The following ATN1 variants were observed in gnomAD, a reference collection of about 807,000 sequenced individuals.
ATN1 encodes atrophin 1, also known as atrophin-1.
Under a neutral mutation model 85.8 loss-of-function variants are expected in ATN1, and 19 were observed. The ratio of observed to expected loss-of-function variants is 0.22; its 90% CI spans 0.15 to 0.32. The LOEUF is 0.32. ATN1 is among the 10% of genes least tolerant of loss of function. ATN1 has a pLI of 1.00. For synonymous variants in ATN1, 674 were observed against 657.0 expected, an observed-to-expected ratio of 1.03 and a Z score of -0.39; for missense variants, 1,453 against 1,564.5, an observed-to-expected ratio of 0.93 and a Z score of 1.20.
In ATN1 at chr12:6,936,092, G is replaced by C; in HGVS notation, c.825G>C (p.Pro275=). Residue 275 remains proline, a synonymous_variant, in exon 5 of 10, where the codon CCG becomes CCC. Transcript: ENST00000396684. ...CTAGTGGTGCTCCCCCAACAAAGCC[G>C]CCTACCACTCCAGTGGGTGGTGGGA... ...SGASGAPPTK[P]PTTPVGGGNL... 1 of 1,525,380 alleles carries C rather than the reference G, an allele frequency of 6.6e-7. No homozygotes were observed. Among genetic ancestry groups the C allele is most frequent in the Non-Finnish European group, 8.8e-7 (1 of 1,137,334 alleles). The allele number at this position is 1,525,380 out of a possible 1,614,324, so 94.5% of individuals were successfully genotyped here. A position where few individuals can be genotyped will look rare whatever the true frequency, so the allele number is the denominator to read the frequency against.
intron 1 of ATN1, among the ~76,000 whole-genome samples, chr12:6,931,822 T>C (rs781928913): frequency 6.7e-6 from 1 of 150,276 alleles, no homozygotes; most frequent in East Asian, 1.9e-4. Flanking sequence ...TCACCTGAGG[T>C]CAGTAGTTCG....
upstream of ATN1, among the ~76,000 whole-genome samples, chr12:6,927,666 T>C (rs1400878626): frequency 1.1e-4 from 14 of 121,844 alleles, no homozygotes; most frequent in Admixed American, 1.2e-3. Context: ...CTCTCCCCCC[T>C]CGCGGCTTGC....
At position 6,935,820 on chromosome 12, in the gene ATN1, C is replaced by G. The variant is rs201262663; in HGVS notation, c.553C>G (p.Pro185Ala). The G allele has an allele frequency of 3.2e-5, 52 of 1,613,764 alleles. No homozygotes were observed. Among genetic ancestry groups the G allele is most frequent in the Admixed American group, 5.0e-5 (3 of 59,986 alleles). The change falls in exon 5 of 10, where the codon CCC becomes GCC. Residue 185 changes from proline (P) to alanine (A), a missense_variant. By Grantham distance (27) the Pro-to-Ala change is conservative. Coordinates refer to ENST00000396684, the MANE Select transcript of ATN1 (RefSeq NM_001940.4). This position sits in a 1 kb window ranked among gnomAD's most constrained non-coding sequence, Gnocchi z 5.3. ...TPRQPEASFE[P>A]HPSVTPTGYH... is the part of the protein sequence containing the mutation. ...TCGACAGCCAGAGGCTAGCTTTGAA[C>G]CCCATCCTTCTGTGACACCCACTGG... is the stretch of plus-strand genomic sequence containing the variant.
In ATN1 at chr12:6,941,710, T is replaced by A. The variant is rs370101271; in HGVS notation, c.3540-37T>A. 68 of 1,611,456 alleles carry A rather than the reference T, an allele frequency of 4.2e-5. No individual in the cohort carries two copies. Among genetic ancestry groups the A allele is most frequent in the Non-Finnish European group, 5.2e-5 (61 of 1,177,816 alleles). ...GGGCAAGGTCAGAGTTGGTCTCAAG[T>A]CTCTTACCTCTCTGCTATGCACTGC... On this transcript the variant is annotated intron_variant, in intron 9 of 9. Transcript: ENST00000396684. This position sits in a 1 kb window ranked among gnomAD's most constrained non-coding sequence, Gnocchi z 5.9.
rs1945597078 is a variant in ATN1 at position 6,938,978 on chromosome 12, G to A, written c.3015G>A (p.Leu1005=). 1 of 1,613,442 alleles carries A rather than the reference G, an allele frequency of 6.2e-7. No homozygotes were observed. The highest frequency in any genetic ancestry group is 8.5e-7 in the Non-Finnish European group (1 of 1,179,988). The change falls in exon 7 of 10, where the codon CTG becomes CTA. Residue 1005 remains leucine (L), a synonymous_variant. Transcript: ENST00000396684. The part of the protein sequence containing the change: ...LGPLERERLA[L]AAGPALRPDM... ...CCCTGGAGCGAGAACGTCTAGCGCT[G>A]GCAGCTGGGCCAGCCCTGCGGCCTG...
intron 7 of ATN1, 140 bp downstream of exon 7, chr12:6,939,317 C>T (rs1945601730): frequency 7.9e-7 from 1 of 1,273,814 alleles, no homozygotes; most frequent in East Asian, 2.5e-5. Context: ...CTGAACTTTG[C>T]CTCCCTGACG....
intron 7 of ATN1, 78 bp from the exon 8 acceptor site, chr12:6,940,802 C>T (rs1334614577): frequency 7.7e-6 from 12 of 1,563,896 alleles, no homozygotes; most frequent in Non-Finnish European, 1.1e-5. Context: ...AGTTCCCAGG[C>T]TTGGATCCCT....
Position 6,936,552 on chromosome 12 carries a change from C to A in ATN1, c.1285C>A (p.Gln429Lys). ...CTCCAATCAGCCCCCCAAGTATACT[C>A]AGCCTTCTCTCCCATCCCAGGCTGT... ...SVSNQPPKYT[Q>K]PSLPSQAVWS... Residue 429 changes from glutamine (Q) to lysine (K), a missense_variant, in exon 5 of 10, where the codon CAG (glutamine) becomes AAG (lysine). Transcript: ENST00000396684. 6.2e-7 allele frequency: 1 copy of A among 1,610,478 alleles called. No individual in the cohort carries two copies.
At chr12:6,929,497 C>A (rs1001107126) in intron 1 of ATN1, among the ~76,000 whole-genome samples, 2 of 152,032 alleles carry the variant, frequency 1.3e-5, no homozygotes, top group African/African-American at 4.8e-5. Context: ...TTGAGGGGCA[C>A]CTTTTGCCAC....
At position 6,939,815 on chromosome 12, in the gene ATN1, C is replaced by G. The variant is rs190892298; in HGVS notation, c.3214+638C>G. 2.9e-3 allele frequency among the ~76,000 whole-genome samples: 443 copies of G among 152,194 alleles called. 4 individuals are homozygous for G. The highest frequency in any genetic ancestry group is 9.9e-3 in the African/African-American group (411 of 41,546). ...CACCGTGCCCAACCCACAAACCTAT[C>G]TTCTGATTTCTCTGGATTCAACTCA... On this transcript the variant is annotated intron_variant, in intron 7 of 9. Coordinates refer to ENST00000396684, the MANE Select transcript of ATN1 (RefSeq NM_001940.4).
At chr12:6,928,790 C>T (rs994088960) in intron 1 of ATN1, among the ~76,000 whole-genome samples, 1 of 152,176 alleles carries the variant, frequency 6.6e-6, no homozygotes, top group South Asian at 2.1e-4. Context: ...GAGATGGCAG[C>T]GAGGTGGGGC....
chr12:6,936,947 A>C lies in ATN1; in HGVS notation c.1680A>C (p.Gln560His). ...CTCACAGCCAGGTGTCCTACAGCCA[A>C]GCAGGCCCCAATGGCCCTCCAGTCT... is the stretch of plus-strand genomic sequence containing the variant. ...PPPHSQVSYSQAGPNGPPVSS... is the reference protein window; with the variant it reads ...PPPHSQVSYSHAGPNGPPVSS... The change falls in exon 5 of 10, where the codon CAA becomes CAC. Residue 560 changes from glutamine to histidine, a missense_variant. Gln to His is a conservative substitution (Grantham distance 24, BLOSUM62 0). This residue lies in a region of ATN1 where 990 missense variants were observed against 914.8 expected (regional missense o/e 1.08). Coordinates refer to ENST00000396684, the MANE Select transcript of ATN1 (RefSeq NM_001940.4). 1.2e-6 allele frequency: 2 copies of C among 1,613,894 alleles called. No individual in the cohort carries two copies.
At chr12:6,926,332 G>A (rs903172215), upstream of ATN1, among the ~76,000 whole-genome samples, 9 of 152,038 alleles carry the variant, frequency 5.9e-5, no homozygotes, top group Non-Finnish European at 2.9e-5. Context: ...GGAAAATGGA[G>A]ATGCCACTAG....
At chr12:6,940,795 T>TCCCAGGCTTGGATCCCTTCAC in intron 7 of ATN1, 85 bp from the exon 8 acceptor site, 1 of 1,542,912 alleles carries the variant, frequency 6.5e-7, no homozygotes, top group Non-Finnish European at 8.9e-7. Context: ...CTGACTCAGT[T>TCCCAGGCTTGGATCCCTTCAC]CCCAGGCTTG....
chr12:6,931,832 G>A (rs1156916531), intron 1 of ATN1, among the ~76,000 whole-genome samples: 1 of 151,492 alleles, frequency 6.6e-6, no homozygotes, highest in African/African-American at 2.4e-5. Context: ...TCAGTAGTTC[G>A]AGACCACCCT....
chr12:6,937,952 A>T lies in ATN1; in HGVS notation c.2402A>T (p.Glu801Val). The T allele has an allele frequency of 6.3e-7, 1 of 1,578,874 alleles. No homozygotes were observed. The highest frequency in any genetic ancestry group is 2.4e-5 in the East Asian group (1 of 42,226). Residue 801 changes from glutamate to valine, a missense_variant, in exon 6 of 10, where the codon GAG becomes GTG. Physicochemically the swap from Glu to Val is moderately radical, Grantham distance 121. Transcript: ENST00000396684. The surrounding 1 kb of genome is among the most constrained non-coding windows in gnomAD (Gnocchi z 6.0). ...GCCAAGAAGCGGGCCGACCTGGTGGAGAAGGTGCGGCGCGAGGCCGAGCAG... is the reference window on the plus strand; with the variant it reads ...GCCAAGAAGCGGGCCGACCTGGTGGTGAAGGTGCGGCGCGAGGCCGAGCAG... Reference protein sequence around the residue: ...KLAKKRADLVEKVRREAEQRA... With the variant: ...KLAKKRADLVVKVRREAEQRA...
rs150330962 is a variant in ATN1, at chr12:6,936,216, C to T, written c.949C>T (p.Pro317Ser). ...LRPLNNASAS[P>S]PGLGAQPLPG... ...ACCCCTCAACAATGCATCAGCCTCT[C>T]CCCCTGGCCTGGGGGCCCAACCACT... Residue 317 changes from proline (P) to serine (S), a missense_variant, in exon 5 of 10, where the codon CCC becomes TCC. Pro to Ser is a moderately conservative substitution (Grantham distance 74, BLOSUM62 -1). Coordinates refer to ENST00000396684, the MANE Select transcript of ATN1 (RefSeq NM_001940.4). 2.0e-5 allele frequency: 32 copies of T among 1,598,948 alleles called. No individual in the cohort carries two copies. Among genetic ancestry groups the T allele is most frequent in the Non-Finnish European group, 2.4e-5 (28 of 1,171,728 alleles).
Position 6,941,121 on chromosome 12 carries a change from G to C in ATN1, c.3358+98G>C. ...GGCCTAGTTGGGCTTGGGGAGGGATGAGGAGGTGCCTAGAGGAGCTGGGCA... is the reference window on the plus strand; with the variant it reads ...GGCCTAGTTGGGCTTGGGGAGGGATCAGGAGGTGCCTAGAGGAGCTGGGCA... On this transcript the variant is annotated intron_variant, in intron 8 of 9. Transcript: ENST00000396684. This position sits in a 1 kb window ranked among gnomAD's most constrained non-coding sequence, Gnocchi z 5.9. The C allele has an allele frequency of 6.8e-7, 1 of 1,478,940 alleles. No homozygotes were observed. 91.6% of individuals were successfully genotyped at this position (1,478,940 alleles called of 1,614,324 possible).
chr12:6,938,366 T>C (rs1555144193), intron 6 of ATN1, 115 bp from the exon 7 acceptor site: 1 of 1,405,554 alleles, frequency 7.1e-7, no homozygotes, highest in African/African-American at 1.5e-5. Flanking sequence ...GTGGGCAGAG[T>C]TTCAATGAGT....
Sources: gnomAD v4.1 joint callset for allele counts (sites outside exome capture counted in the v4.1 genomes callset) on GRCh38, gnomAD v4.1.1 for gene constraint, gnomAD v4.1.1 regional missense constraint, Gnocchi (gnomAD v3.1) non-coding constraint, MANE v1.5 for transcripts, NCBI Gene and HGNC (gene_info 2026-07-23, HGNC 2026-07-21) for gene names.